The following LINGO2 variants were observed in gnomAD, a reference collection of about 807,000 sequenced individuals.
LINGO2 encodes the protein leucine rich repeat and Ig domain containing 2.
LINGO2 carries 14 observed loss-of-function variants against 30.6 expected under a neutral mutation model. The observed-to-expected ratio is 0.46, with a 90% confidence interval of 0.30 to 0.72. The LOEUF (loss-of-function observed/expected upper bound fraction) is 0.72. Ranked by LOEUF, LINGO2 falls within the 30% of genes least tolerant of loss-of-function variation. LINGO2 has a pLI of 0.07. For missense variants in LINGO2, 729 were observed against 751.7 expected (o/e 0.97, Z 0.35); for synonymous variants, 317 against 288.5 (o/e 1.10, Z -1.00).
At chr9:28,269,854 G>A (rs1340441534) in intron 4 of LINGO2, among the ~76,000 whole-genome samples, 1 of 152,064 alleles carries the variant, frequency 6.6e-6, no homozygotes, top group Non-Finnish European at 1.5e-5. Flanking sequence ...CTCAGGGCTG[G>A]AGATCTAAAG....
chr9:28,693,395 T>C, the LINGO2 span, among the ~76,000 whole-genome samples: 1 of 152,162 alleles, frequency 6.6e-6, no homozygotes, highest in Non-Finnish European at 1.5e-5. Flanking sequence ...TTTATTGCAC[T>C]GCTCTCATCC....
the LINGO2 span, among the ~76,000 whole-genome samples, chr9:28,688,812 A>G: frequency 1.3e-5 from 2 of 152,146 alleles, no homozygotes; most frequent in Non-Finnish European, 2.9e-5. Flanking sequence ...TTCAGATTCC[A>G]TTTTGTAGTT....
At chr9:28,601,541 C>G (rs900521879) in intron 1 of LINGO2, among the ~76,000 whole-genome samples, 2 of 121,900 alleles carry the variant, frequency 1.6e-5, no homozygotes, top group African/African-American at 7.1e-5. Flanking sequence ...GTCACTCAAT[C>G]AGAGTGTGTG....
chr9:28,427,502 A>T (rs760529064), intron 2 of LINGO2, among the ~76,000 whole-genome samples: 1 of 152,176 alleles, frequency 6.6e-6, no homozygotes, highest in African/African-American at 2.4e-5. Flanking sequence ...TTCATTTTAC[A>T]TATGAGAAAA....
At chr9:29,013,534 A>C in the LINGO2 span, among the ~76,000 whole-genome samples, 1 of 152,140 alleles carries the variant, frequency 6.6e-6, no homozygotes, top group African/African-American at 2.4e-5. Flanking sequence ...ACTATGAAAC[A>C]TGGAAATATA....
chr9:28,310,220 A>G (rs1440939103), intron 3 of LINGO2, among the ~76,000 whole-genome samples: 1 of 152,212 alleles, frequency 6.6e-6, no homozygotes, highest in Non-Finnish European at 1.5e-5. Flanking sequence ...CATATGACAT[A>G]CAAACACTTG....
the LINGO2 span, among the ~76,000 whole-genome samples, chr9:28,962,480 A>G: frequency 6.6e-6 from 1 of 151,988 alleles, no homozygotes; most frequent in Admixed American, 6.6e-5. Flanking sequence ...AAGGATAATA[A>G]ATATGCCTAA....
At chr9:28,691,134 CT>C in the LINGO2 span, among the ~76,000 whole-genome samples, 2 of 152,176 alleles carry the variant, frequency 1.3e-5, no homozygotes, top group African/African-American at 2.4e-5. Flanking sequence ...TTGAAAATCA[CT>C]GCTTTAAACC....
rs1248223300 is a variant in LINGO2 at position 28,513,769 on chromosome 9, A to C, written c.-364-37744T>G. Among the ~76,000 whole-genome samples the C allele has an allele frequency of 2.0e-5, 3 of 152,366 alleles. No individual in the cohort carries two copies. The East Asian group carries it at 5.8e-4, about 29-fold the overall frequency. ...ATGTGATACCCAATAAAGTATTTTG[A>C]AGAAGCTTAGAGGTTGATAAAATGG... is the stretch of plus-strand genomic sequence containing the variant. On this transcript the variant is annotated intron_variant, in intron 1 of 5. Transcript: ENST00000379992.
intron 4 of LINGO2, among the ~76,000 whole-genome samples, chr9:28,045,567 G>A (rs1824382497): frequency 6.6e-6 from 1 of 152,178 alleles, no homozygotes; most frequent in Non-Finnish European, 1.5e-5. Flanking sequence ...GAGAATTATT[G>A]TTCTAAAATG....
chr9:28,254,008 C>A (rs893720409), intron 4 of LINGO2, among the ~76,000 whole-genome samples: 1 of 151,870 alleles, frequency 6.6e-6, no homozygotes, highest in Non-Finnish European at 1.5e-5. Flanking sequence ...TCCTTTTTTT[C>A]CCTTTTGCCC....
chr9:28,141,085 G>T (rs1025680624), intron 4 of LINGO2, among the ~76,000 whole-genome samples: 1 of 152,058 alleles, frequency 6.6e-6, no homozygotes, highest in Non-Finnish European at 1.5e-5. Flanking sequence ...GCAGAAAATT[G>T]CCTCAGTTAT....
chr9:28,139,259 C>CA (rs113427286), intron 4 of LINGO2, among the ~76,000 whole-genome samples: 45,104 of 152,016 alleles, frequency 0.3, 6,699 homozygotes, highest in Middle Eastern at 0.35. Flanking sequence ...TTGCTTTTGG[C>CA]AAAACCTTGG....
the LINGO2 span, among the ~76,000 whole-genome samples, chr9:28,883,632 A>ATATATATATATATATATATTATG: frequency 5.4e-5 from 1 of 18,420 alleles, no homozygotes; most frequent in African/African-American, 1.4e-4. Flanking sequence ...GTGTGTGTAT[A>ATATATATATATATATATATTATG]TATATATATA....
intron 4 of LINGO2, among the ~76,000 whole-genome samples, chr9:28,168,735 G>A (rs1039220500): frequency 3.0e-4 from 46 of 152,236 alleles, no homozygotes; most frequent in Admixed American, 9.8e-4. Context: ...CTACAGATTT[G>A]TGGAACCTAA....
chr9:28,150,712 G>A (rs910575308), intron 4 of LINGO2, among the ~76,000 whole-genome samples: 1 of 152,188 alleles, frequency 6.6e-6, no homozygotes, highest in Non-Finnish European at 1.5e-5. Context: ...TAATTTGTAA[G>A]TCTTAGAGAA....
chr9:28,272,109 C>CCTTAATACAAG (rs1395712719), intron 4 of LINGO2, among the ~76,000 whole-genome samples: 1 of 152,126 alleles, frequency 6.6e-6, no homozygotes, highest in Non-Finnish European at 1.5e-5. Flanking sequence ...ATGGCTGCAG[C>CCTTAATACAAG]CTTAATACAA....
At position 28,032,304 on chromosome 9, in the gene LINGO2, CG is replaced by C. The variant is rs1351747079; in HGVS notation, c.-86-19900del. ...AGCATTTGTTGCTCTATTATGAAAG[CG>C]CACACACTGCCTGCCCTCGCTGCCC... On this transcript the variant is annotated intron_variant, in intron 4 of 5. Coordinates refer to ENST00000379992, the Ensembl canonical transcript of LINGO2. Among the ~76,000 whole-genome samples the C allele has an allele frequency of 5.3e-5, 8 of 152,234 alleles. No individual in the cohort carries two copies. In the East Asian group the frequency reaches 1.5e-3, roughly 29 times the overall value.
intron 2 of LINGO2, among the ~76,000 whole-genome samples, chr9:28,425,352 T>TACATATATAAACACAC (rs1823366382): frequency 1.4e-5 from 2 of 148,034 alleles, no homozygotes; most frequent in African/African-American, 2.5e-5. Context: ...TATAAACACA[T>TACATATATAAACACAC]ACATATACAC....
Sources: allele counts gnomAD v4.1 joint callset (sites outside exome capture counted in the v4.1 genomes callset), GRCh38; gene constraint gnomAD v4.1.1; transcripts MANE v1.5; gene names NCBI Gene and HGNC (gene_info 2026-07-23, HGNC 2026-07-21).